PCDHA11: variants seen among roughly 807,000 people sequenced by gnomAD.
PCDHA11 encodes the protein protocadherin alpha-11.
A neutral mutation model predicts 70.3 loss-of-function variants in PCDHA11; 61 were observed. The observed-to-expected ratio is 0.87, with a 90% CI of 0.71 to 1.07. PCDHA11 has a LOEUF of 1.07. PCDHA11 is among the 50% of genes least tolerant of loss of function. The pLI, the probability that PCDHA11 is intolerant of heterozygous loss-of-function variation, is 0.00. For missense variants in PCDHA11, 1,324 were observed against 1,237.5 expected, an observed-to-expected ratio of 1.07 and a Z score of -1.05; for synonymous variants, 633 against 555.1, an observed-to-expected ratio of 1.14 and a Z score of -1.97.
intron 1 of PCDHA11, among the ~76,000 whole-genome samples, chr5:140,908,703 C>T (rs751488038): frequency 5.9e-5 from 9 of 152,318 alleles, no homozygotes; most frequent in Non-Finnish European, 1.3e-4. Flanking sequence ...ACCTCAAGCA[C>T]CATTGGATCT....
Position 140,926,923 on chromosome 5 carries a change from T to C in PCDHA11, c.2392-52026T>C, listed in dbSNP as rs532425369. On this transcript the variant is annotated intron_variant, in intron 1 of 3. Transcript: ENST00000398640. ...GGGCTGTGGGGTGGCAGTTTTATGT[T>C]TGTGGGTTTCCTGCGGCGCTGCAGC... 35 of 1,571,554 alleles carry C rather than the reference T, an allele frequency of 2.2e-5. No homozygotes were observed. The East Asian group carries it at 6.5e-4, about 29-fold the overall frequency.
intron 1 of PCDHA11, chr5:140,967,445 C>T (rs782571799): frequency 3.1e-6 from 5 of 1,613,550 alleles, no homozygotes; most frequent in Non-Finnish European, 4.2e-6. Flanking sequence ...CCACCTGGTT[C>T]TCACAGCCGT....
Position 140,869,160 on chromosome 5 carries a change from C to T in PCDHA11, c.57C>T (p.Leu19=), listed in dbSNP as rs201759355. 10 of 1,613,886 alleles carry T rather than the reference C, an allele frequency of 6.2e-6. No homozygotes were observed. In the East Asian group the frequency reaches 2.0e-4, roughly 32 times the overall value. The change falls in exon 1 of 4, where the codon CTC becomes CTT. Residue 19 remains leucine (L), a synonymous_variant. Transcript: ENST00000398640. ...CCCCACGACTACAGCTCTGGCTTCT[C>T]CTCCTCGAATTCTGGGAGGTGGGGA... ...LGTPRLQLWL[L]LLEFWEVGSG...
chr5:140,988,193 A>G (rs528689173), intron 3 of PCDHA11, among the ~76,000 whole-genome samples: 4 of 152,192 alleles, frequency 2.6e-5, no homozygotes, highest in South Asian at 2.1e-4. Flanking sequence ...AGGTGTGTGC[A>G]TATCCTTATT....
At chr5:140,927,400 C>G (rs782428365) in intron 1 of PCDHA11, 11 of 1,614,126 alleles carry the variant, frequency 6.8e-6, no homozygotes, top group Non-Finnish European at 8.5e-6. Flanking sequence ...TCAGCACTTT[C>G]GCCTGGACAT....
At chr5:140,884,493 C>T (rs782633321) in intron 1 of PCDHA11, 2 of 1,614,038 alleles carry the variant, frequency 1.2e-6, no homozygotes, top group African/African-American at 1.3e-5. Flanking sequence ...CTAGTGTGCT[C>T]CAGCGCGGCA....
Position 140,928,713 on chromosome 5 carries a change from T to C in PCDHA11, c.2392-50236T>C, listed in dbSNP as rs535812769. The C allele has an allele frequency of 3.1e-6, 5 of 1,614,142 alleles. No individual in the cohort carries two copies. In the African/African-American group the frequency reaches 6.7e-5, roughly 22 times the overall value. ...ACATCTCCCGGGCGTCTGACTCTAG[T>C]CTCTTTAGAATTTCAGCCAATATAG... On this transcript the variant is annotated intron_variant, in intron 1 of 3. Coordinates refer to ENST00000398640, the MANE Select transcript of PCDHA11 (RefSeq NM_018902.5).
chr5:140,946,631 T>TAC (rs374022482), intron 1 of PCDHA11, among the ~76,000 whole-genome samples: 8 of 131,856 alleles, frequency 6.1e-5, no homozygotes, highest in African/African-American at 1.7e-4. Context: ...TATATATATA[T>TAC]ACAATGGAAT....
chr5:140,929,307 C>T (rs149565434), intron 1 of PCDHA11: 10 of 1,570,046 alleles, frequency 6.4e-6, no homozygotes, highest in Admixed American at 1.8e-5. Context: ...AAGGGGATCA[C>T]GCTAATGTCA....
chr5:140,931,049 A>G (rs1165336064), intron 1 of PCDHA11, among the ~76,000 whole-genome samples: 1 of 152,226 alleles, frequency 6.6e-6, no homozygotes, highest in Non-Finnish European at 1.5e-5. Flanking sequence ...AAAAACTTCA[A>G]TGCTGTGTCT....
intron 1 of PCDHA11, among the ~76,000 whole-genome samples, chr5:140,915,092 C>T (rs781958993): frequency 9.2e-5 from 14 of 151,760 alleles, no homozygotes; most frequent in East Asian, 1.9e-4. Context: ...ACTATGGGCA[C>T]GCACCACCAC....
In PCDHA11 at chr5:140,869,157, TCTC is replaced by T. The variant is rs1201897612; in HGVS notation, c.61_63del (p.Leu21del). The T allele has an allele frequency of 1.2e-6, 2 of 1,613,798 alleles. No homozygotes were observed. The highest frequency in any genetic ancestry group is 1.1e-5 in the South Asian group (1 of 91,050). ...GCACCCCACGACTACAGCTCTGGCT[TCTC>T]CTCCTCGAATTCTGGGAGGTGGGGA... On this transcript the variant is annotated inframe_deletion, in exon 1 of 4. Transcript: ENST00000398640.
chr5:140,968,949 T>C, intron 1 of PCDHA11: 1 of 1,614,180 alleles, frequency 6.2e-7, no homozygotes, highest in Non-Finnish European at 8.5e-7. Flanking sequence ...ATTTTGAGCA[T>C]CATCAAGTGC....
chr5:140,970,400 C>T (rs1586425210), intron 1 of PCDHA11, among the ~76,000 whole-genome samples: 1 of 152,162 alleles, frequency 6.6e-6, no homozygotes, highest in Non-Finnish European at 1.5e-5. Context: ...AAGTGGATGG[C>T]TTACCCTACA....
chr5:140,914,052 G>T (rs1485469381), intron 1 of PCDHA11, among the ~76,000 whole-genome samples: 1 of 152,172 alleles, frequency 6.6e-6, no homozygotes, highest in East Asian at 1.9e-4. Flanking sequence ...TTCTGCAGCT[G>T]TTGGATGAAA....
Position 140,985,833 on chromosome 5 carries a change from G to A in PCDHA11, c.2539+3270G>A, listed in dbSNP as rs1458914557. Among the ~76,000 whole-genome samples the A allele has an allele frequency of 2.8e-5, 4 of 143,674 alleles. No homozygotes were observed. In the East Asian group the frequency reaches 6.5e-4, roughly 23 times the overall value. The allele number at this position is 143,674 out of a possible 152,430, so 94.3% of individuals were successfully genotyped here. A position where few individuals can be genotyped will look rare whatever the true frequency, so the allele number is the denominator to read the frequency against. ...CAGCTCACAACAAGCTCTGCCTCCC[G>A]GGTTCATGCCACTCTCCTGCCTCAG... On this transcript the variant is annotated intron_variant, in intron 3 of 3. Coordinates refer to ENST00000398640, the MANE Select transcript of PCDHA11 (RefSeq NM_018902.5).
At chr5:140,964,174 A>G (rs1187603456) in intron 1 of PCDHA11, among the ~76,000 whole-genome samples, 2 of 152,250 alleles carry the variant, frequency 1.3e-5, no homozygotes, top group African/African-American at 4.8e-5. Flanking sequence ...GAACGAAATC[A>G]TTATAGTGCC....
intron 1 of PCDHA11, among the ~76,000 whole-genome samples, chr5:140,977,149 G>A (rs1484811068): frequency 6.6e-6 from 1 of 152,198 alleles, no homozygotes; most frequent in Non-Finnish European, 1.5e-5. Flanking sequence ...TGCTGGAACT[G>A]TGCCTTTCAG....
chr5:140,967,901 A>T, intron 1 of PCDHA11: 2 of 1,614,142 alleles, frequency 1.2e-6, no homozygotes, highest in African/African-American at 1.3e-5. Context: ...TGAGAATGCT[A>T]CACCCAACAC....
Sources: allele counts gnomAD v4.1 joint callset (sites outside exome capture counted in the v4.1 genomes callset), GRCh38; gene constraint gnomAD v4.1.1; transcripts MANE v1.5; gene names NCBI Gene and HGNC (gene_info 2026-07-23, HGNC 2026-07-21).